ENPP6: variants seen among roughly 807,000 people sequenced by gnomAD.
ENPP6 encodes glycerophosphocholine cholinephosphodiesterase ENPP6.
A neutral mutation model predicts 42.0 loss-of-function variants in ENPP6; 32 were observed. The observed-to-expected ratio is 0.76, with a 90% CI of 0.58 to 1.02. ENPP6 has a LOEUF of 1.02. Among genes scored for constraint, ENPP6 ranks in the 50% least tolerant of loss-of-function variants. The probability of loss-of-function intolerance (pLI) is 0.00; values close to 1 mark genes in which losing one functional copy is unlikely to be tolerated. For synonymous variants in ENPP6, 213 were observed against 216.0 expected (o/e 0.99, Z 0.12); for missense variants, 552 against 566.8 (o/e 0.97, Z 0.27).
intron 2 of ENPP6, among the ~76,000 whole-genome samples, chr4:184,139,332 A>AT (rs553271989): frequency 2.2e-4 from 33 of 147,254 alleles, no homozygotes; most frequent in East Asian, 9.9e-4. Flanking sequence ...TCTGAGGTGA[A>AT]TTTTTTTTTT....
intron 1 of ENPP6, chr4:184,203,996 G>A (rs1173756765): frequency 6.6e-6 from 1 of 152,236 alleles, no homozygotes; most frequent in Non-Finnish European, 1.5e-5. Flanking sequence ...GAGGCTGGGA[G>A]TTTGAGATCA....
chr4:184,163,916 G>A (rs1737307043), intron 1 of ENPP6, among the ~76,000 whole-genome samples: 1 of 152,208 alleles, frequency 6.6e-6, no homozygotes, highest in African/African-American at 2.4e-5. Context: ...CTTGGAAATC[G>A]TTCTTTTCTA....
intron 3 of ENPP6, 81 bp downstream of exon 3, chr4:184,124,080 C>G: frequency 1.9e-6 from 2 of 1,077,606 alleles, no homozygotes; most frequent in Non-Finnish European, 1.4e-6. Flanking sequence ...CTCCACAAAG[C>G]CCTCTTAATT....
chr4:184,150,502 G>A lies in ENPP6; in HGVS notation c.421+3052C>T, dbSNP rs79445303. Among the ~76,000 whole-genome samples the A allele has an allele frequency of 6.6e-4, 100 of 152,254 alleles. 3 individuals are homozygous for A. In the East Asian group the frequency reaches 0.017, roughly 26 times the overall value. ...TTGTGTTTTGAAGAAATGCCCCTGCGCCTCACTTAATCTTGCAGAGACACA... is the reference window on the plus strand; with the variant it reads ...TTGTGTTTTGAAGAAATGCCCCTGCACCTCACTTAATCTTGCAGAGACACA... On this transcript the variant is annotated intron_variant, in intron 2 of 7. Transcript: ENST00000296741.
chr4:184,200,727 G>A (rs1286532939), intron 1 of ENPP6, among the ~76,000 whole-genome samples: 2 of 152,138 alleles, frequency 1.3e-5, no homozygotes, highest in Non-Finnish European at 2.9e-5. Context: ...CAGATAATCG[G>A]CTGGGCAACC....
intron 1 of ENPP6, among the ~76,000 whole-genome samples, chr4:184,185,799 C>A (rs1389425131): frequency 2.0e-5 from 3 of 152,196 alleles, no homozygotes; most frequent in Admixed American, 2.0e-4. Context: ...ACATGGCAAC[C>A]AAACGTACTG....
At chr4:184,118,312 C>T (rs1376355697) in intron 3 of ENPP6, among the ~76,000 whole-genome samples, 1 of 152,190 alleles carries the variant, frequency 6.6e-6, no homozygotes, top group East Asian at 1.9e-4. Flanking sequence ...TCCGATTAAA[C>T]TCAGTGGTGA....
At chr4:184,113,961 TTCTC>T (rs1163832636) in intron 5 of ENPP6, among the ~76,000 whole-genome samples, 59 of 141,174 alleles carry the variant, frequency 4.2e-4, no homozygotes, top group Non-Finnish European at 4.8e-4. Context: ...CTTTCTTTCT[TTCTC>T]TCTTTCTTTC....
rs146403093 is a variant in ENPP6, at chr4:184,091,206, C to T, written c.1294G>A (p.Ala432Thr). ...GCAAGCAGGAAGAGAAGAATCAGTGCCAGGGCACAGTGGCTGGGCCAGACA... is the reference window on the plus strand; with the variant it reads ...GCAAGCAGGAAGAGAAGAATCAGTGTCAGGGCACAGTGGCTGGGCCAGACA... The part of the protein sequence containing the change: ...PPVWPSHCAL[A>T]LILLFLLA Residue 432 changes from alanine to threonine, a missense_variant, in exon 8 of 8, where the codon GCA becomes ACA. Ala to Thr is a moderately conservative substitution (Grantham distance 58, BLOSUM62 0). Around this residue, in one of 2 missense-constraint regions of ENPP6, gnomAD observed 545 missense variants for 546.3 expected, o/e 1.00. Coordinates refer to ENST00000296741, the MANE Select transcript of ENPP6 (RefSeq NM_153343.4). The T allele has an allele frequency of 7.0e-5, 112 of 1,590,190 alleles. 1 individual carries two copies. In the African/African-American group the frequency reaches 1.3e-3, roughly 18 times the overall value.
chr4:184,133,603 G>C (rs1468515050), intron 2 of ENPP6, among the ~76,000 whole-genome samples: 1 of 151,772 alleles, frequency 6.6e-6, no homozygotes, highest in Non-Finnish European at 1.5e-5. Flanking sequence ...TCCCCCGAAG[G>C]ACCCTCCAGT....
At chr4:184,188,238 C>T (rs543284265) in intron 1 of ENPP6, among the ~76,000 whole-genome samples, 1 of 152,256 alleles carries the variant, frequency 6.6e-6, no homozygotes, top group African/African-American at 2.4e-5. Context: ...TGTCAGTTTC[C>T]GTTGTGCCTG....
chr4:184,204,467 C>A (rs10005433), intron 1 of ENPP6, among the ~76,000 whole-genome samples: 33,332 of 152,154 alleles, frequency 0.22, 4,484 homozygotes, highest in East Asian at 0.74. Context: ...TAGGCCTGAA[C>A]CGTCCTCACA....
intron 2 of ENPP6, among the ~76,000 whole-genome samples, chr4:184,124,819 C>T (rs1736475349): frequency 6.6e-6 from 1 of 152,168 alleles, no homozygotes; most frequent in African/African-American, 2.4e-5. Flanking sequence ...GGGGTCTGAG[C>T]CGTACCCTTG....
chr4:184,159,857 G>C (rs896743180), intron 1 of ENPP6, among the ~76,000 whole-genome samples: 5 of 152,088 alleles, frequency 3.3e-5, no homozygotes, highest in African/African-American at 1.2e-4. Flanking sequence ...TTATGCCTTT[G>C]CATTCTCATA....
chr4:184,206,919 C>T (rs1208526853), intron 1 of ENPP6, among the ~76,000 whole-genome samples: 1 of 152,212 alleles, frequency 6.6e-6, no homozygotes, highest in Non-Finnish European at 1.5e-5. Context: ...TCTCAGGTCA[C>T]TCGCACAACC....
At chr4:184,215,893 G>A (rs1249733773) in intron 1 of ENPP6, among the ~76,000 whole-genome samples, 1 of 152,200 alleles carries the variant, frequency 6.6e-6, no homozygotes, top group Non-Finnish European at 1.5e-5. Context: ...GTCTCAGCAT[G>A]ACGGAGGCTG....
chr4:184,091,411 G>A (rs1735798136), intron 7 of ENPP6, 29 bp from the exon 8 acceptor site: 1 of 1,580,294 alleles, frequency 6.3e-7, no homozygotes, highest in African/African-American at 1.3e-5. Flanking sequence ...CAAACAAGTT[G>A]TCATGGCAGC....
chr4:184,210,910 A>C (rs2111124727), intron 1 of ENPP6, among the ~76,000 whole-genome samples: 1 of 152,140 alleles, frequency 6.6e-6, no homozygotes, highest in African/African-American at 2.4e-5. Context: ...GTGCAATCAA[A>C]CTAGAACTCA....
rs1190589608 is a variant in ENPP6 at position 184,131,188 on chromosome 4, TC to T, written c.422-6917del. Among the ~76,000 whole-genome samples, 10 of 63,870 alleles carry T rather than the reference TC, an allele frequency of 1.6e-4. 1 individual carries two copies. The highest frequency in any genetic ancestry group is 3.4e-4 in the African/African-American group (5 of 14,542). The allele number at this position is 63,870 out of a possible 152,430, so 41.9% of individuals were successfully genotyped here. ...TTCTTTCTTTCTTTCTTTCTTTCTTTCTTTCTTTCTTTCTTCTTTCTTTCTT... is the reference window on the plus strand; with the variant it reads ...TTCTTTCTTTCTTTCTTTCTTTCTTTTTTCTTTCTTTCTTCTTTCTTTCTT... On this transcript the variant is annotated intron_variant, in intron 2 of 7. Coordinates refer to ENST00000296741, the MANE Select transcript of ENPP6 (RefSeq NM_153343.4).
Sources: gnomAD v4.1 joint callset for allele counts (sites outside exome capture counted in the v4.1 genomes callset) on GRCh38, gnomAD v4.1.1 for gene constraint, gnomAD v4.1.1 regional missense constraint, MANE v1.5 for transcripts, NCBI Gene and HGNC (gene_info 2026-07-23, HGNC 2026-07-21) for gene names.